Variants in SLIT3 observed in about 807,000 individuals in gnomAD.
The protein encoded by SLIT3 is slit homolog 3 protein.
SLIT3 carries 68 observed loss-of-function variants against 184.0 expected under a neutral mutation model. That is an observed-to-expected ratio of 0.37 (90% CI 0.30 to 0.45). SLIT3 has a LOEUF of 0.45. Ranked by LOEUF, SLIT3 falls within the 20% of genes least tolerant of loss-of-function variation. SLIT3 has a pLI of 1.00. For synonymous variants in SLIT3, 831 were observed against 828.6 expected (o/e 1.00, Z -0.05); for missense variants, 1,707 against 2,026.0 (o/e 0.84, Z 3.02).
At chr5:168,937,369 G>A (rs569072797) in intron 4 of SLIT3, among the ~76,000 whole-genome samples, 5 of 152,338 alleles carry the variant, frequency 3.3e-5, no homozygotes, top group African/African-American at 1.2e-4. Context: ...CATTCACTCT[G>A]TGGGAAATGA....
At position 169,062,465 on chromosome 5, in the gene SLIT3, T is replaced by C. The variant is rs761232884; in HGVS notation, c.413+131014A>G. 2.0e-5 allele frequency among the ~76,000 whole-genome samples: 3 copies of C among 152,342 alleles called. 1 individual carries two copies. Among genetic ancestry groups the C allele is most frequent in the Middle Eastern group, 6.8e-3 (2 of 294 alleles). On this transcript the variant is annotated intron_variant, in intron 4 of 35. Transcript: ENST00000519560. The stretch of plus-strand genomic sequence containing the variant: ...CATCTTTGAGTTCCTGCCTTGGCCC[T>C]AGAAGGCCTGGCCTCTGCCTTCTTC...
chr5:169,179,569 C>A (rs1763089318), intron 4 of SLIT3, among the ~76,000 whole-genome samples: 2 of 152,292 alleles, frequency 1.3e-5, no homozygotes, highest in East Asian at 1.9e-4. Context: ...TGAAGAGATT[C>A]TAGCATAGGC....
intron 2 of SLIT3, 67 bp from the exon 3 acceptor site, chr5:169,244,843 A>C: frequency 5.8e-6 from 8 of 1,382,372 alleles, no homozygotes; most frequent in Non-Finnish European, 8.2e-6. Context: ...ACTAGGCTTC[A>C]TGCCATGCAG....
intron 4 of SLIT3, among the ~76,000 whole-genome samples, chr5:168,962,311 A>AACACAC (rs70979116): frequency 0.31 from 45,098 of 147,344 alleles, 6,951 homozygotes; most frequent in East Asian, 0.41. Flanking sequence ...CCCACCCCAC[A>AACACAC]ACACACACAC....
chr5:168,790,933 C>G (rs756020431), intron 10 of SLIT3: 2 of 152,208 alleles, frequency 1.3e-5, no homozygotes, highest in African/African-American at 2.4e-5. Flanking sequence ...GTACTTTGAA[C>G]GATATTTCAC....
At chr5:168,892,803 C>T (rs1760517452) in intron 4 of SLIT3, among the ~76,000 whole-genome samples, 1 of 152,198 alleles carries the variant, frequency 6.6e-6, no homozygotes, top group Non-Finnish European at 1.5e-5. Flanking sequence ...CTGATCATCT[C>T]CAGCAAATGG....
intron 3 of SLIT3, among the ~76,000 whole-genome samples, chr5:169,225,110 G>T (rs1764760168): frequency 6.6e-6 from 1 of 152,188 alleles, no homozygotes; most frequent in South Asian, 2.1e-4. Flanking sequence ...TGGCTGCTGG[G>T]AATTCAGCAA....
intron 8 of SLIT3, 151 bp from the exon 9 acceptor site, chr5:168,806,738 A>C: frequency 1.2e-6 from 1 of 810,316 alleles, no homozygotes; most frequent in Non-Finnish European, 1.9e-6. Flanking sequence ...CCTGGGAGAC[A>C]CAGGTGCCAC....
At chr5:169,024,518 T>C (rs1479982555) in intron 4 of SLIT3, 4 of 152,206 alleles carry the variant, frequency 2.6e-5, no homozygotes. Flanking sequence ...TGGGAGACTT[T>C]TAAGGTTGAC....
intron 4 of SLIT3, among the ~76,000 whole-genome samples, chr5:168,888,559 T>C (rs1021437511): frequency 6.6e-6 from 1 of 152,178 alleles, no homozygotes; most frequent in Non-Finnish European, 1.5e-5. Context: ...AGACGGCATA[T>C]CTAGGACCAC....
At chr5:168,821,726 A>G (rs1403340905) in intron 7 of SLIT3, among the ~76,000 whole-genome samples, 1 of 152,168 alleles carries the variant, frequency 6.6e-6, no homozygotes, top group Non-Finnish European at 1.5e-5. Context: ...CAGGCACTTT[A>G]TGTGTTAAAC....
chr5:169,261,849 C>T (rs1188353853), intron 1 of SLIT3, among the ~76,000 whole-genome samples: 1 of 152,198 alleles, frequency 6.6e-6, no homozygotes, highest in African/African-American at 2.4e-5. Flanking sequence ...GACGGCAATG[C>T]CCGTCTTGCT....
chr5:168,846,459 T>C (rs1489788210), intron 5 of SLIT3, among the ~76,000 whole-genome samples: 1 of 152,162 alleles, frequency 6.6e-6, no homozygotes, highest in East Asian at 1.9e-4. Context: ...AGAGGTTCTA[T>C]GAAGGCAGTC....
chr5:168,862,021 C>A (rs1335921140), intron 5 of SLIT3, among the ~76,000 whole-genome samples: 1 of 152,150 alleles, frequency 6.6e-6, no homozygotes, highest in Admixed American at 6.5e-5. Context: ...CAACACTGTC[C>A]TTAGAGAACA....
intron 4 of SLIT3, among the ~76,000 whole-genome samples, chr5:169,002,318 G>A: frequency 2.3e-5 from 1 of 43,808 alleles, no homozygotes; most frequent in Non-Finnish European, 3.7e-5. Flanking sequence ...ACGAGACTCT[G>A]TCTCAAAAAA....
chr5:169,088,369 AC>A (rs1366370835), intron 4 of SLIT3, among the ~76,000 whole-genome samples: 3 of 146,310 alleles, frequency 2.1e-5, no homozygotes, highest in Non-Finnish European at 4.5e-5. Flanking sequence ...ACTGCCTCCT[AC>A]TCCCCTGTCA....
At chr5:168,916,413 A>C (rs1761436390) in intron 4 of SLIT3, among the ~76,000 whole-genome samples, 1 of 152,230 alleles carries the variant, frequency 6.6e-6, no homozygotes. Flanking sequence ...CTGCTGAGGC[A>C]TCAGGACCCA....
intron 4 of SLIT3, among the ~76,000 whole-genome samples, chr5:169,048,877 A>T (rs1757719271): frequency 1.3e-5 from 2 of 152,108 alleles, no homozygotes; most frequent in Non-Finnish European, 2.9e-5. Flanking sequence ...CTTAATTAAG[A>T]TACTCTTCTT....
intron 20 of SLIT3, among the ~76,000 whole-genome samples, chr5:168,745,968 T>C (rs969342327): frequency 6.6e-6 from 1 of 152,230 alleles, no homozygotes; most frequent in Non-Finnish European, 1.5e-5. Flanking sequence ...CATTAGCATT[T>C]TTTAGCAATA....
Sources: allele counts gnomAD v4.1 joint callset (sites outside exome capture counted in the v4.1 genomes callset), GRCh38; gene constraint gnomAD v4.1.1; transcripts MANE v1.5; gene names NCBI Gene and HGNC (gene_info 2026-07-23, HGNC 2026-07-21).